The following CHTF18 variants were observed in gnomAD, a reference collection of about 807,000 sequenced individuals.
CHTF18 encodes the protein chromosome transmission fidelity protein 18 homolog.
Under a neutral mutation model 113.4 loss-of-function variants are expected in CHTF18, and 151 were observed. That is an observed-to-expected ratio of 1.33 (90% CI 1.17 to 1.52). The LOEUF is 1.52. Among genes scored for constraint, CHTF18 ranks in the 40% most tolerant of loss-of-function variants. CHTF18 has a pLI of 0.00. For synonymous variants in CHTF18, 916 were observed against 598.8 expected, an observed-to-expected ratio of 1.53 and a Z score of -7.74; for missense variants, 1,982 against 1,381.6, an observed-to-expected ratio of 1.43 and a Z score of -6.89.
At position 794,192 on chromosome 16, in the gene CHTF18, G is replaced by A; in HGVS notation, c.1941G>A (p.Lys647=). 1.2e-6 allele frequency: 2 copies of A among 1,611,320 alleles called. No homozygotes were observed. Among genetic ancestry groups the A allele is most frequent in the Non-Finnish European group, 1.7e-6 (2 of 1,178,878 alleles). ...HAAASAGEHE[K]VVQGLFDNFL... Reference sequence around the variant, plus strand: ...CTGCCTCTGCGGGCGAGCACGAGAAGGTGGTCCAGGTACCTGTCTTCCACC... The same window carrying A: ...CTGCCTCTGCGGGCGAGCACGAGAAAGTGGTCCAGGTACCTGTCTTCCACC... Residue 647 remains lysine (K), a synonymous_variant, in exon 15 of 22, where the codon AAG becomes AAA. Transcript: ENST00000262315.
Position 793,212 on chromosome 16 carries a change from G to A in CHTF18, c.1740G>A (p.Lys580=), listed in dbSNP as rs1418485294. 6.2e-7 allele frequency: 1 copy of A among 1,609,616 alleles called. No individual in the cohort carries two copies. Among genetic ancestry groups the A allele is most frequent in the Non-Finnish European group, 8.5e-7 (1 of 1,178,952 alleles). The change falls in exon 14 of 22, where the codon AAG becomes AAA. Residue 580 remains lysine, a synonymous_variant. Coordinates refer to ENST00000262315, the MANE Select transcript of CHTF18 (RefSeq NM_022092.3). The part of the protein sequence containing the change: ...RDVQATRVGL[K]DQRRGLFSVW... ...TGCAGGCCACACGCGTGGGCCTCAA[G>A]GACCAGCGCAGAGGGCTCTTCTCGG...
intron 11 of CHTF18, 29 bp downstream of exon 11, chr16:792,619 G>T (rs780593256): frequency 6.3e-7 from 1 of 1,592,282 alleles, no homozygotes; most frequent in Non-Finnish European, 8.5e-7. Context: ...GCCACAGTCA[G>T]GAGAGGCTCT....
chr16:796,938 C>T (rs1292070244), intron 19 of CHTF18, 23 bp from the exon 20 acceptor site: 26 of 1,528,798 alleles, frequency 1.7e-5, no homozygotes, highest in South Asian at 2.5e-5. Flanking sequence ...GTGGCCAGAT[C>T]TCACAATGCC....
chr16:789,184 T>C (rs117479929), intron 2 of CHTF18, 26 bp from the exon 3 acceptor site: 75,564 of 1,550,246 alleles, frequency 0.049, 3,886 homozygotes, highest in East Asian at 0.29. Flanking sequence ...AGGAGGCCTC[T>C]GGTTCCCTGC....
In CHTF18 at chr16:789,029, A is replaced by G. The variant is rs1199007133; in HGVS notation, c.190A>G (p.Ser64Gly). 1.6e-5 allele frequency: 25 copies of G among 1,534,822 alleles called. No individual in the cohort carries two copies. The highest frequency in any genetic ancestry group is 2.1e-5 in the Non-Finnish European group (24 of 1,141,540). Residue 64 changes from serine to glycine, a missense_variant, in exon 2 of 22, where the codon AGT becomes GGT. Coordinates refer to ENST00000262315, the MANE Select transcript of CHTF18 (RefSeq NM_022092.3). ...CCTTGCCAGAGGGGACGCGGCCTCC[A>G]GTCCCGCCCCAGCCGCATCTGTGGG... Reference protein sequence around the residue: ...EALARGDAASSPAPAASVGSS... With the variant: ...EALARGDAASGPAPAASVGSS...
At chr16:795,859 G>GA (rs769768465) in intron 17 of CHTF18, 25 bp downstream of exon 17, 1 of 1,607,278 alleles carries the variant, frequency 6.2e-7, no homozygotes, top group East Asian at 2.2e-5. Flanking sequence ...CGGGGTGGGG[G>GA]ATTCCCCGCC....
In CHTF18 at chr16:795,810, C is replaced by T. The variant is rs1323359953; in HGVS notation, c.2301C>T (p.Asp767=). The part of the protein sequence containing the change: ...LLLDALCLLL[D]ILAPKLRPVS... ...TCGATGCCCTCTGCCTGCTCCTGGACATTCTTGCACCCAAGCTCCGCCCCG... is the reference window on the plus strand; with the variant it reads ...TCGATGCCCTCTGCCTGCTCCTGGATATTCTTGCACCCAAGCTCCGCCCCG... Residue 767 remains aspartate (D), a synonymous_variant, in exon 17 of 22, where the codon GAC becomes GAT. Transcript: ENST00000262315. 27 of 1,609,928 alleles carry T rather than the reference C, an allele frequency of 1.7e-5. No homozygotes were observed. The highest frequency in any genetic ancestry group is 1.9e-5 in the Non-Finnish European group (22 of 1,178,984).
At position 797,665 on chromosome 16, in the gene CHTF18, T is replaced by C. The variant is rs768545860; in HGVS notation, c.2734-29T>C. On this transcript the variant is annotated intron_variant, in intron 20 of 21. Coordinates refer to ENST00000262315, the MANE Select transcript of CHTF18 (RefSeq NM_022092.3). ...GGGGCTGGATGGGGCATCTGTCCTA[T>C]ACGACTGACTAGTCCTTCCTCCCAT... 12 of 1,610,630 alleles carry C rather than the reference T, an allele frequency of 7.5e-6. No individual in the cohort carries two copies. The East Asian group carries it at 1.1e-4, about 15-fold the overall frequency.
At chr16:797,344 G>T (rs2042380423) in intron 20 of CHTF18, among the ~76,000 whole-genome samples, 1 of 152,094 alleles carries the variant, frequency 6.6e-6, no homozygotes, top group Non-Finnish European at 1.5e-5. Context: ...GTACCTTTGG[G>T]GGTGGGGCTG....
In CHTF18 at chr16:791,720, C is replaced by G. The variant is rs28628554; in HGVS notation, c.1105-131C>G. ...GTGTGTGAAAGTGCTCAATTTTGTT[C>G]TTATTTGATGGCTGGAGTGGGGTGG... On this transcript the variant is annotated intron_variant, in intron 8 of 21. Coordinates refer to ENST00000262315, the MANE Select transcript of CHTF18 (RefSeq NM_022092.3). 2.2e-5 allele frequency: 32 copies of G among 1,442,596 alleles called. No homozygotes were observed. In the Admixed American group the frequency reaches 3.2e-4, roughly 14 times the overall value. 89.4% of individuals were successfully genotyped at this position (1,442,596 alleles called of 1,614,324 possible).
intron 21 of CHTF18, 36 bp from the exon 22 acceptor site, chr16:797,803 G>GC: frequency 6.3e-7 from 1 of 1,577,744 alleles, no homozygotes; most frequent in Non-Finnish European, 8.6e-7. Flanking sequence ...TTGTGGGGGG[G>GC]CCTTACAGCT....
chr16:792,239 G>C lies in CHTF18; in HGVS notation c.1218G>C (p.Pro406=). 1 of 1,569,646 alleles carries C rather than the reference G, an allele frequency of 6.4e-7. No individual in the cohort carries two copies. Among genetic ancestry groups the C allele is most frequent in the Non-Finnish European group, 8.6e-7 (1 of 1,158,540 alleles). ...VEMNASDDRS[P]EVFRTRIEAA... is the part of the protein sequence containing the mutation. ...CCCATTGCAGTGACGACCGTAGCCC[G>C]GAGGTCTTCCGCACACGCATCGAGG... The change falls in exon 10 of 22, where the codon CCG becomes CCC. Residue 406 remains proline, a synonymous_variant. Transcript: ENST00000262315.
chr16:797,028 C>G lies in CHTF18; in HGVS notation c.2669C>G (p.Pro890Arg), dbSNP rs2042369065. ...GGIGEKGVHR[P>R]APRNHEQRLE... is the part of the protein sequence containing the mutation. ...ATTGGGGAGAAAGGGGTGCACCGAC[C>G]TGCCCCACGCAACCATGAGCAGCGG... The change falls in exon 20 of 22, where the codon CCT becomes CGT. Residue 890 changes from proline to arginine, a missense_variant. Coordinates refer to ENST00000262315, the MANE Select transcript of CHTF18 (RefSeq NM_022092.3). 2 of 1,560,580 alleles carry G rather than the reference C, an allele frequency of 1.3e-6. No homozygotes were observed. Among genetic ancestry groups the G allele is most frequent in the Middle Eastern group, 1.7e-4 (1 of 5,828 alleles).
In CHTF18 at chr16:790,864, C is replaced by T. The variant is rs955028697; in HGVS notation, c.894+198C>T. The stretch of plus-strand genomic sequence containing the variant: ...GGTCCCCTGTGACCTGTGAGGCAGG[C>T]TAGGGGTCCAGGGTGTCACCTGATC... On this transcript the variant is annotated intron_variant, in intron 7 of 21. Transcript: ENST00000262315. 70 of 1,431,144 alleles carry T rather than the reference C, an allele frequency of 4.9e-5. No individual in the cohort carries two copies. In the Admixed American group the frequency reaches 7.0e-4, roughly 14 times the overall value. 88.7% of individuals were successfully genotyped at this position (1,431,144 alleles called of 1,614,324 possible).
intron 4 of CHTF18, 187 bp from the exon 5 acceptor site, chr16:789,990 C>T (rs746790403): frequency 2.6e-6 from 4 of 1,535,256 alleles, no homozygotes; most frequent in Admixed American, 3.9e-5. Context: ...AAAGCTGCCC[C>T]CAATTTCCCT....
rs114276861 is a variant in CHTF18 at position 796,563 on chromosome 16, G to A, written c.2457-154G>A. The stretch of plus-strand genomic sequence containing the variant: ...AGGCTCGGGGCAGTTAAACCTGGCT[G>A]CCGCAGGGTTGGGGTGCGGTGGCAC... On this transcript the variant is annotated intron_variant, in intron 18 of 21. Transcript: ENST00000262315. 1.5e-3 allele frequency: 1,266 copies of A among 869,308 alleles called. 17 individuals carry two copies. In the African/African-American group the frequency reaches 0.019, roughly 13 times the overall value. The allele number at this position is 869,308 out of a possible 1,614,324, so 53.8% of individuals were successfully genotyped here.
At chr16:797,356 G>A (rs2042380835) in intron 20 of CHTF18, among the ~76,000 whole-genome samples, 1 of 152,064 alleles carries the variant, frequency 6.6e-6, no homozygotes, top group Non-Finnish European at 1.5e-5. Context: ...GTGGGGCTGA[G>A]CCACAGGAGG....
At position 792,577 on chromosome 16, in the gene CHTF18, A is replaced by C. The variant is rs547838710; in HGVS notation, c.1465A>C (p.Ile489Leu). 1.9e-6 allele frequency: 3 copies of C among 1,595,438 alleles called. No individual in the cohort carries two copies. In the South Asian group the frequency reaches 3.4e-5, roughly 18 times the overall value. Residue 489 changes from isoleucine (I) to leucine (L), a missense_variant, in exon 11 of 22, where the codon ATT (isoleucine) becomes CTT (leucine). Coordinates refer to ENST00000262315, the MANE Select transcript of CHTF18 (RefSeq NM_022092.3). ...GCTCCTCATGAGGCCCATTATCTGC[A>C]TTTGCAATGACCAGTGAGTGCATGG... is the stretch of plus-strand genomic sequence containing the variant. The part of the protein sequence containing the change: ...GGLLMRPIIC[I>L]CNDQFAPSLR...
At position 795,172 on chromosome 16, in the gene CHTF18, C is replaced by G. The variant is rs1364687654; in HGVS notation, c.1991C>G (p.Ser664Cys). 1 of 1,557,132 alleles carries G rather than the reference C, an allele frequency of 6.4e-7. No homozygotes were observed. The highest frequency in any genetic ancestry group is 1.2e-5 in the South Asian group (1 of 84,740). ...TTCCTGCGTCTGCGGCTGCGAGACTCCAGCCTGGGTGCTGTGTGTGTGGCC... is the reference window on the plus strand; with the variant it reads ...TTCCTGCGTCTGCGGCTGCGAGACTGCAGCCTGGGTGCTGTGTGTGTGGCC... ...DNFLRLRLRDSSLGAVCVALD... is the reference protein window; with the variant it reads ...DNFLRLRLRDCSLGAVCVALD... Residue 664 changes from serine to cysteine, a missense_variant, in exon 16 of 22, where the codon TCC becomes TGC. Ser to Cys is a moderately radical substitution (Grantham distance 112, BLOSUM62 -1). Coordinates refer to ENST00000262315, the MANE Select transcript of CHTF18 (RefSeq NM_022092.3).
Sources: allele counts gnomAD v4.1 joint callset (sites outside exome capture counted in the v4.1 genomes callset), GRCh38; gene constraint gnomAD v4.1.1; transcripts MANE v1.5; gene names NCBI Gene and HGNC (gene_info 2026-07-23, HGNC 2026-07-21).